TRA2B: variants seen among roughly 807,000 people sequenced by gnomAD.
TRA2B encodes the protein transformer-2 protein homolog beta.
A neutral mutation model predicts 41.7 loss-of-function variants in TRA2B; 14 were observed. The observed-to-expected ratio is 0.34, with a 90% CI of 0.22 to 0.53. The LOEUF (loss-of-function observed/expected upper bound fraction) is 0.53, where lower values mean the gene tolerates loss of function less well. Ranked by LOEUF, TRA2B falls within the 20% of genes least tolerant of loss-of-function variation. The pLI is 0.95. For missense variants in TRA2B, 167 were observed against 396.8 expected (o/e 0.42, Z 4.92); for synonymous variants, 130 against 128.8 (o/e 1.01, Z -0.06).
chr3:185,921,215 C>T, intron 5 of TRA2B, 28 bp from the exon 6 acceptor site: 1 of 1,599,138 alleles, frequency 6.3e-7, no homozygotes, highest in Non-Finnish European at 8.6e-7. Flanking sequence ...TTCAGGTGAC[C>T]TCCCTTATCT....
rs1439080890 is a variant in TRA2B at position 185,936,082 on chromosome 3, T to C, written c.36+1743A>G. The stretch of plus-strand genomic sequence containing the variant: ...TCCCTTCTCACGTAAAATATACTAA[T>C]GAACTCTGGGCAATTTTCCATTCTC... On this transcript the variant is annotated intron_variant, in intron 1 of 8. Coordinates refer to ENST00000453386, the MANE Select transcript of TRA2B (RefSeq NM_004593.3). 3 of 985,316 alleles carry C rather than the reference T, an allele frequency of 3.0e-6. No individual in the cohort carries two copies. In the African/African-American group the frequency reaches 5.2e-5, roughly 17 times the overall value. The allele number at this position is 985,316 out of a possible 1,614,324, so 61.0% of individuals were successfully genotyped here.
intron 8 of TRA2B, 88 bp from the exon 9 acceptor site, chr3:185,917,813 C>A: frequency 6.9e-7 from 1 of 1,442,922 alleles, no homozygotes; most frequent in Non-Finnish European, 9.7e-7. Context: ...AATATTCTGC[C>A]ATTAAGAAAT....
At chr3:185,926,525 A>G in intron 2 of TRA2B, 76 bp downstream of exon 2, 1 of 1,579,402 alleles carries the variant, frequency 6.3e-7, no homozygotes, top group Non-Finnish European at 8.7e-7. Context: ...AACCCTCTCT[A>G]CCTTCCTGGT....
chr3:185,927,851 A>T (rs1744011154), intron 1 of TRA2B: 1 of 152,272 alleles, frequency 6.6e-6, no homozygotes. Flanking sequence ...ACTCCTAGTC[A>T]GTCTGATAGC....
At chr3:185,922,198 A>G in intron 4 of TRA2B, 72 bp from the exon 5 acceptor site, 1 of 1,079,674 alleles carries the variant, frequency 9.3e-7, no homozygotes, top group Non-Finnish European at 1.4e-6. Flanking sequence ...TATGAGTAAG[A>G]TCCCACTGGA....
At chr3:185,920,113 C>A (rs542405080) in intron 6 of TRA2B, among the ~76,000 whole-genome samples, 1 of 152,042 alleles carries the variant, frequency 6.6e-6, no homozygotes, top group Non-Finnish European at 1.5e-5. Flanking sequence ...ACCCAAACCC[C>A]GAAATACCAA....
chr3:185,918,694 A>ATT (rs747200048), intron 7 of TRA2B, among the ~76,000 whole-genome samples: 1 of 152,152 alleles, frequency 6.6e-6, no homozygotes, highest in Non-Finnish European at 1.5e-5. Flanking sequence ...TTTGTGAACT[A>ATT]TGTTAAGAGA....
At position 185,925,628 on chromosome 3, in the gene TRA2B, T is replaced by A. The variant is rs1310768678; in HGVS notation, c.171-2A>T. On this transcript the variant is annotated splice_acceptor_variant, in intron 2 of 8. Transcript: ENST00000453386. LOFTEE classifies it high-confidence loss of function. ...CGGGAGCTTCTTCTGGATCTAGACCTGCAAGACAAAGACCTCCTAAGGTTA... is the reference window on the plus strand; with the variant it reads ...CGGGAGCTTCTTCTGGATCTAGACCAGCAAGACAAAGACCTCCTAAGGTTA... 2 of 1,611,472 alleles carry A rather than the reference T, an allele frequency of 1.2e-6. No individual in the cohort carries two copies. The highest frequency in any genetic ancestry group is 1.7e-6 in the Non-Finnish European group (2 of 1,179,100).
At position 185,926,749 on chromosome 3, in the gene TRA2B, T is replaced by C. The variant is rs1215910204; in HGVS notation, c.37-15A>G. On this transcript the variant is annotated splice_polypyrimidine_tract_variant and intron_variant, in intron 1 of 8. Coordinates refer to ENST00000453386, the MANE Select transcript of TRA2B (RefSeq NM_004593.3). ...GAACGGGATTCCTACACGTAGATGT[T>C]AAAAGTTTAATTTGCACACTTTCTG... The C allele has an allele frequency of 6.2e-7, 1 of 1,613,474 alleles. No individual in the cohort carries two copies. Among genetic ancestry groups the C allele is most frequent in the African/African-American group, 1.3e-5 (1 of 75,022 alleles).
At chr3:185,929,586 T>C (rs1351745666) in intron 1 of TRA2B, among the ~76,000 whole-genome samples, 1 of 152,052 alleles carries the variant, frequency 6.6e-6, no homozygotes, top group African/African-American at 2.4e-5. Flanking sequence ...ATACAAAACC[T>C]AAAGGGAATA....
chr3:185,933,176 G>A (rs1578486369), intron 1 of TRA2B, among the ~76,000 whole-genome samples: 1 of 152,134 alleles, frequency 6.6e-6, no homozygotes, highest in South Asian at 2.1e-4. Context: ...GATACAGACA[G>A]GGCACTTAGA....
chr3:185,937,420 T>C, intron 1 of TRA2B: 1 of 1,018,616 alleles, frequency 9.8e-7, no homozygotes, highest in East Asian at 9.4e-5. Flanking sequence ...GCGCGGCTTC[T>C]CCGCCATTTT....
At position 185,937,881 on chromosome 3, in the gene TRA2B, G is replaced by A; in HGVS notation, c.-21C>T. The A allele has an allele frequency of 1.2e-6, 2 of 1,613,698 alleles. No individual in the cohort carries two copies. The highest frequency in any genetic ancestry group is 1.1e-5 in the South Asian group (1 of 91,082). On this transcript the variant is annotated 5_prime_UTR_variant, in exon 1 of 9. Coordinates refer to ENST00000453386, the MANE Select transcript of TRA2B (RefSeq NM_004593.3). ...CTCATGACTCCTGGCTGCTGTCGCC[G>A]GTCGATGTGCTTCAATCGAAGCTGC...
intron 1 of TRA2B, chr3:185,937,572 T>C (rs943075231): frequency 7.9e-5 from 52 of 654,772 alleles, no homozygotes; most frequent in Non-Finnish European, 9.7e-5. Context: ...CCCCCTCTTA[T>C]AACGGGAAAA....
chr3:185,937,716 G>A (rs1247556322), intron 1 of TRA2B, 109 bp downstream of exon 1: 1 of 1,494,682 alleles, frequency 6.7e-7, no homozygotes, highest in Non-Finnish European at 9.3e-7. Flanking sequence ...CCCGGCTTCA[G>A]ACTTCGGAGC....
At chr3:185,926,191 A>AC (rs1560011346) in intron 2 of TRA2B, among the ~76,000 whole-genome samples, 1 of 129,474 alleles carries the variant, frequency 7.7e-6, no homozygotes, top group African/African-American at 2.8e-5. Flanking sequence ...TTTGACCAAC[A>AC]TTAAAAAAAA....
intron 1 of TRA2B, among the ~76,000 whole-genome samples, chr3:185,932,238 G>A (rs1316151937): frequency 6.6e-6 from 1 of 152,194 alleles, no homozygotes; most frequent in African/African-American, 2.4e-5. Context: ...ATAAGTGCAT[G>A]AAAGGAAAGC....
chr3:185,925,644 C>G lies in TRA2B; in HGVS notation c.171-18G>C. The G allele has an allele frequency of 1.9e-6, 3 of 1,603,824 alleles. No homozygotes were observed. The highest frequency in any genetic ancestry group is 2.6e-6 in the Non-Finnish European group (3 of 1,176,138). On this transcript the variant is annotated intron_variant, in intron 2 of 8. Coordinates refer to ENST00000453386, the MANE Select transcript of TRA2B (RefSeq NM_004593.3). ...ATCTAGACCTGCAAGACAAAGACCT[C>G]CTAAGGTTATGACTGAAAACAAATA...
intron 4 of TRA2B, chr3:185,922,491 G>A (rs1259626636): frequency 1.3e-5 from 2 of 157,676 alleles, no homozygotes; most frequent in East Asian, 1.8e-4. Flanking sequence ...AGTATTTCAT[G>A]ACAAGTGAAG....
Sources: allele counts gnomAD v4.1 joint callset (sites outside exome capture counted in the v4.1 genomes callset), GRCh38; gene constraint gnomAD v4.1.1; transcripts MANE v1.5; gene names NCBI Gene and HGNC (gene_info 2026-07-23, HGNC 2026-07-21).